The following TBC1D1 variants were observed in gnomAD, a reference collection of about 807,000 sequenced individuals.
The protein encoded by TBC1D1 is TBC1 domain family member 1, also known as TBC1 (tre-2/USP6, BUB2, cdc16) domain family, member 1.
A neutral mutation model predicts 125.6 loss-of-function variants in TBC1D1; 89 were observed. The observed-to-expected ratio is 0.71, with a 90% CI of 0.60 to 0.85. The LOEUF (loss-of-function observed/expected upper bound fraction) is 0.85, where lower values mean the gene tolerates loss of function less well. Among genes scored for constraint, TBC1D1 ranks in the 40% least tolerant of loss-of-function variants. TBC1D1 has a pLI of 0.00. For missense variants in TBC1D1, 1,377 were observed against 1,469.2 expected (o/e 0.94, Z 1.03); for synonymous variants, 565 against 564.1 (o/e 1.00, Z -0.02).
intron 8 of TBC1D1, among the ~76,000 whole-genome samples, chr4:38,040,309 A>G (rs1748095866): frequency 6.6e-6 from 1 of 151,990 alleles, no homozygotes; most frequent in Non-Finnish European, 1.5e-5. Flanking sequence ...TTTTTGTTGG[A>G]GACAGAGTCT....
intron 2 of TBC1D1, among the ~76,000 whole-genome samples, chr4:38,013,035 T>C (rs1052691210): frequency 3.3e-5 from 5 of 151,910 alleles, no homozygotes; most frequent in Non-Finnish European, 7.4e-5. Flanking sequence ...CCTCCTGATC[T>C]GCCCTCCTTG....
intron 14 of TBC1D1, among the ~76,000 whole-genome samples, chr4:38,096,349 G>A (rs1332684845): frequency 6.6e-6 from 1 of 152,188 alleles, no homozygotes; most frequent in Non-Finnish European, 1.5e-5. Flanking sequence ...CTATAAACTA[G>A]ATAATGATTT....
intron 2 of TBC1D1, among the ~76,000 whole-genome samples, chr4:37,983,729 A>G (rs1734868048): frequency 6.6e-6 from 1 of 152,192 alleles, no homozygotes; most frequent in Non-Finnish European, 1.5e-5. Context: ...CATTTGTTAC[A>G]ACTGATGAAT....
intron 2 of TBC1D1, among the ~76,000 whole-genome samples, chr4:38,005,185 AG>A (rs1259985160): frequency 6.6e-6 from 1 of 152,192 alleles, no homozygotes; most frequent in Non-Finnish European, 1.5e-5. Context: ...GGTGTGTAAG[AG>A]GAGGGTGCTC....
intron 2 of TBC1D1, among the ~76,000 whole-genome samples, chr4:37,916,328 GTA>G (rs1472887855): frequency 6.6e-6 from 1 of 151,298 alleles, no homozygotes; most frequent in Non-Finnish European, 1.5e-5. Context: ...CTCTCTCTCT[GTA>G]TGTGTGTGTG....
At chr4:38,032,853 A>AC in intron 7 of TBC1D1, among the ~76,000 whole-genome samples, 1 of 152,126 alleles carries the variant, frequency 6.6e-6, no homozygotes, top group East Asian at 1.9e-4. Flanking sequence ...AAAAAAAAAA[A>AC]AAAAGAAAGA....
chr4:38,034,116 G>A (rs1349475184), intron 7 of TBC1D1, among the ~76,000 whole-genome samples: 2 of 152,160 alleles, frequency 1.3e-5, no homozygotes, highest in Admixed American at 6.5e-5. Context: ...TTGCATCCCC[G>A]CCAACCATAA....
chr4:38,028,742 A>G (rs933034133), intron 7 of TBC1D1, among the ~76,000 whole-genome samples: 2 of 152,202 alleles, frequency 1.3e-5, no homozygotes, highest in Non-Finnish European at 2.9e-5. Flanking sequence ...TCTGGTCCGC[A>G]TGTACTCATC....
rs573363971 is a variant in TBC1D1 at position 38,044,329 on chromosome 4, C to T, written c.1414-33C>T. 46 of 1,578,532 alleles carry T rather than the reference C, an allele frequency of 2.9e-5. 1 individual carries two copies. The highest frequency in any genetic ancestry group is 1.9e-4 in the South Asian group (16 of 84,320). On this transcript the variant is annotated intron_variant, in intron 8 of 19. Coordinates refer to ENST00000261439, the MANE Select transcript of TBC1D1 (RefSeq NM_015173.4). ...TTCCTTTAAGAAGCAGAGAAGGGAG[C>T]GATAAATGACTTTTCGTTTTTCACT...
chr4:37,949,843 T>G (rs1344638500), intron 2 of TBC1D1, among the ~76,000 whole-genome samples: 2 of 152,206 alleles, frequency 1.3e-5, no homozygotes, highest in African/African-American at 2.4e-5. Context: ...AAAACTTTAT[T>G]TATAAATAGA....
chr4:37,968,317 T>C (rs1229023735), intron 2 of TBC1D1, among the ~76,000 whole-genome samples: 2 of 152,198 alleles, frequency 1.3e-5, no homozygotes, highest in Non-Finnish European at 2.9e-5. Flanking sequence ...GGGGTTCCCT[T>C]TTACCCTGCA....
chr4:37,964,973 G>A (rs1344508013), intron 2 of TBC1D1, among the ~76,000 whole-genome samples: 1 of 152,232 alleles, frequency 6.6e-6, no homozygotes, highest in Non-Finnish European at 1.5e-5. Flanking sequence ...AAATCTTAGA[G>A]CATGAAGCCC....
intron 11 of TBC1D1, among the ~76,000 whole-genome samples, chr4:38,052,263 T>C (rs1750737408): frequency 6.6e-6 from 1 of 152,028 alleles, no homozygotes; most frequent in Non-Finnish European, 1.5e-5. Context: ...AAGTTAATTT[T>C]ACTATTGATG....
At chr4:38,018,469 C>T in intron 4 of TBC1D1, 26 bp downstream of exon 4, 1 of 1,379,318 alleles carries the variant, frequency 7.2e-7, no homozygotes, top group Non-Finnish European at 1.0e-6. Flanking sequence ...TTTTTTTATT[C>T]AATTGCAATG....
intron 2 of TBC1D1, among the ~76,000 whole-genome samples, chr4:37,963,253 G>A (rs1218096970): frequency 2.0e-5 from 3 of 152,244 alleles, no homozygotes; most frequent in African/African-American, 7.2e-5. Context: ...TTGGCTCACA[G>A]TTCTGCAGGC....
At position 38,056,325 on chromosome 4, in the gene TBC1D1, G is replaced by A. The variant is rs1010556325; in HGVS notation, c.2050+1987G>A. Among the ~76,000 whole-genome samples, 5 of 152,174 alleles carry A rather than the reference G, an allele frequency of 3.3e-5. No individual in the cohort carries two copies. In the East Asian group the frequency reaches 9.6e-4, roughly 29 times the overall value. ...CCGAAGAGCCTCTGCCCCTCCTGGA[G>A]TCCTGAGTTGAACTTGGTGTTCACT... On this transcript the variant is annotated intron_variant, in intron 12 of 19. Transcript: ENST00000261439.
chr4:38,106,876 C>T (rs1055792708), intron 15 of TBC1D1, among the ~76,000 whole-genome samples: 1 of 152,154 alleles, frequency 6.6e-6, no homozygotes, highest in Non-Finnish European at 1.5e-5. Flanking sequence ...CTCAGGCAGC[C>T]TTCCTTGAGC....
At chr4:38,064,704 A>G (rs1312824669) in intron 12 of TBC1D1, among the ~76,000 whole-genome samples, 2 of 144,736 alleles carry the variant, frequency 1.4e-5, no homozygotes, top group Admixed American at 7.2e-5. Context: ...GCTCACTGCC[A>G]CCTCCACCTC....
intron 2 of TBC1D1, among the ~76,000 whole-genome samples, chr4:37,974,703 G>A (rs62298521): frequency 0.018 from 2,807 of 152,194 alleles, 36 homozygotes; most frequent in Middle Eastern, 0.058. Flanking sequence ...GATTACAGGC[G>A]CATGCCATCA....
Sources: allele counts gnomAD v4.1 joint callset (sites outside exome capture counted in the v4.1 genomes callset), GRCh38; gene constraint gnomAD v4.1.1; transcripts MANE v1.5; gene names NCBI Gene and HGNC (gene_info 2026-07-23, HGNC 2026-07-21).